The following RYR2 variants were observed in gnomAD, a reference collection of about 807,000 sequenced individuals.
The protein encoded by RYR2 is ryanodine receptor 2.
In RYR2, 227 loss-of-function variants were observed where a neutral mutation model predicts 601.1. The observed-to-expected ratio is 0.38, with a 90% confidence interval of 0.34 to 0.42. The LOEUF (loss-of-function observed/expected upper bound fraction) is 0.42. RYR2 is among the 10% of genes least tolerant of loss of function. The pLI is 1.00. For missense variants in RYR2, 4,646 were observed against 6,156.5 expected, an observed-to-expected ratio of 0.75 and a Z score of 8.21; for synonymous variants, 2,223 against 2,175.1, an observed-to-expected ratio of 1.02 and a Z score of -0.61.
intron 41 of RYR2, among the ~76,000 whole-genome samples, chr1:237,629,011 A>G (rs1679979158): frequency 1.3e-5 from 2 of 152,232 alleles, no homozygotes; most frequent in Admixed American, 1.3e-4. Flanking sequence ...AAGATATTTC[A>G]GAATATTTAC....
At chr1:237,438,823 G>A (rs545397532) in intron 12 of RYR2, among the ~76,000 whole-genome samples, 1 of 152,222 alleles carries the variant, frequency 6.6e-6, no homozygotes, top group Non-Finnish European at 1.5e-5. Context: ...TCTTTTGAGA[G>A]ATCTACTTTT....
intron 1 of RYR2, among the ~76,000 whole-genome samples, chr1:237,188,904 A>C (rs1367444458): frequency 1.3e-5 from 2 of 152,216 alleles, no homozygotes; most frequent in African/African-American, 4.8e-5. Context: ...AACATAAAAC[A>C]TTAAATTTCC....
At chr1:237,829,335 C>G (rs1384866742) in intron 102 of RYR2, among the ~76,000 whole-genome samples, 1 of 152,180 alleles carries the variant, frequency 6.6e-6, no homozygotes, top group African/African-American at 2.4e-5. Flanking sequence ...GATTCTGAAG[C>G]TTTTGCTAGA....
At position 237,440,607 on chromosome 1, in the gene RYR2, C is replaced by A. The variant is rs1056799159; in HGVS notation, c.1006-712C>A. Among the ~76,000 whole-genome samples, 29 of 152,134 alleles carry A rather than the reference C, an allele frequency of 1.9e-4. 1 individual carries two copies. Among genetic ancestry groups the A allele is most frequent in the Admixed American group, 1.3e-3 (20 of 15,268 alleles). Reference sequence around the variant, plus strand: ...GATTGCTACTTCCTAGGAGAGGAAGCTTGGCATAGTAGTCCTTTAAGAGTG... The same window carrying A: ...GATTGCTACTTCCTAGGAGAGGAAGATTGGCATAGTAGTCCTTTAAGAGTG... On this transcript the variant is annotated intron_variant, in intron 12 of 104. Transcript: ENST00000366574.
intron 25 of RYR2, among the ~76,000 whole-genome samples, chr1:237,531,632 A>C (rs1668147262): frequency 6.6e-6 from 1 of 152,208 alleles, no homozygotes; most frequent in Admixed American, 6.5e-5. Flanking sequence ...ATGCAGATTT[A>C]AGCAAGTCTC....
chr1:237,423,084 T>C lies in RYR2; in HGVS notation c.849-8T>C, dbSNP rs16835237. On this transcript the variant is annotated splice_region_variant and splice_polypyrimidine_tract_variant and intron_variant, in intron 11 of 104. Transcript: ENST00000366574. Reference sequence around the variant, plus strand: ...GCTATTGGATCAAGTCCTAACTGTTTTCATTAGGTGGAGTGGAAGCCACAT... The same window carrying C: ...GCTATTGGATCAAGTCCTAACTGTTCTCATTAGGTGGAGTGGAAGCCACAT... The C allele has an allele frequency of 0.11, 172,613 of 1,609,586 alleles. 11,647 individuals carry two copies. Among genetic ancestry groups the C allele is most frequent in the Admixed American group, 0.27 (15,998 of 58,776 alleles).
At position 237,723,257 on chromosome 1, in the gene RYR2, G is replaced by C. The variant is rs1689902083; in HGVS notation, c.10684G>C (p.Glu3562Gln). The change falls in exon 74 of 105, where the codon GAA (glutamate) becomes CAA (glutamine). Residue 3562 changes from glutamate to glutamine, a missense_variant. Glu to Gln is a conservative substitution (Grantham distance 29). Coordinates refer to ENST00000366574, the MANE Select transcript of RYR2 (RefSeq NM_001035.3). ...LDIANVLFHL[E>Q]QKSKRVGRRH... The stretch of plus-strand genomic sequence containing the variant: ...TATAGCAAATGTGCTTTTTCATCTT[G>C]AACAGGTCAGGCTTTGTGTCAATTC... 1 of 1,611,014 alleles carries C rather than the reference G, an allele frequency of 6.2e-7. No homozygotes were observed. Among genetic ancestry groups the C allele is most frequent in the Non-Finnish European group, 8.5e-7 (1 of 1,178,114 alleles).
At chr1:237,825,274 G>C (rs546417234) in intron 101 of RYR2, among the ~76,000 whole-genome samples, 2 of 152,160 alleles carry the variant, frequency 1.3e-5, no homozygotes, top group Non-Finnish European at 1.5e-5. Context: ...ATACTACAAG[G>C]CTACAGTAAC....
intron 96 of RYR2, among the ~76,000 whole-genome samples, chr1:237,797,835 A>C (rs181852535): frequency 6.6e-6 from 1 of 152,298 alleles, no homozygotes; most frequent in African/African-American, 2.4e-5. Context: ...CTTGTTCCTC[A>C]GATAGGTATT....
intron 102 of RYR2, among the ~76,000 whole-genome samples, chr1:237,828,904 G>A (rs1025268271): frequency 6.6e-6 from 1 of 152,148 alleles, no homozygotes; most frequent in African/African-American, 2.4e-5. Flanking sequence ...GATAAGGAGA[G>A]AGGAGGACAG....
Position 237,708,457 on chromosome 1 carries a change from G to C in RYR2, c.9902-401G>C, listed in dbSNP as rs74601991. 2.6e-5 allele frequency among the ~76,000 whole-genome samples: 4 copies of C among 152,218 alleles called. No homozygotes were observed. In the East Asian group the frequency reaches 7.7e-4, roughly 29 times the overall value. On this transcript the variant is annotated intron_variant, in intron 68 of 104. Coordinates refer to ENST00000366574, the MANE Select transcript of RYR2 (RefSeq NM_001035.3). The stretch of plus-strand genomic sequence containing the variant: ...AACTCTTCCATTGTGCCAAGGATGG[G>C]GATAGTTAAAATGAGATAACTGTAT...
At chr1:237,631,849 C>G (rs948862503) in intron 42 of RYR2, among the ~76,000 whole-genome samples, 28 of 128,420 alleles carry the variant, frequency 2.2e-4, no homozygotes, top group Non-Finnish European at 4.0e-4. Context: ...AGGATGGTCT[C>G]GATCTCCTGA....
At chr1:237,640,005 G>C (rs1681302706) in intron 46 of RYR2, among the ~76,000 whole-genome samples, 1 of 127,014 alleles carries the variant, frequency 7.9e-6, no homozygotes. Context: ...GAGCAAGAAT[G>C]AGCACTCCCC....
At chr1:237,774,567 C>A (rs1694511507) in intron 87 of RYR2, among the ~76,000 whole-genome samples, 1 of 152,030 alleles carries the variant, frequency 6.6e-6, no homozygotes, top group Admixed American at 6.6e-5. Flanking sequence ...GAAGAGGAAC[C>A]TTATTTCAGC....
At chr1:237,732,338 A>G (rs1690765872) in intron 78 of RYR2, among the ~76,000 whole-genome samples, 189 bp downstream of exon 78, 1 of 152,204 alleles carries the variant, frequency 6.6e-6, no homozygotes, top group South Asian at 2.1e-4. Flanking sequence ...GGCTTCAGCA[A>G]CTACCTACTA....
At chr1:237,737,929 T>C (rs1278663551) in intron 79 of RYR2, among the ~76,000 whole-genome samples, 1 of 152,230 alleles carries the variant, frequency 6.6e-6, no homozygotes, top group Non-Finnish European at 1.5e-5. Context: ...TCCTCAGTGA[T>C]TTGCTTGATA....
intron 1 of RYR2, among the ~76,000 whole-genome samples, chr1:237,056,680 A>C (rs991539556): frequency 1.0e-5 from 1 of 98,716 alleles, no homozygotes; most frequent in Admixed American, 1.3e-4. Flanking sequence ...CATTGTGAGG[A>C]CTGGAGCACT....
At chr1:237,252,417 AT>A (rs1259533035) in intron 1 of RYR2, among the ~76,000 whole-genome samples, 1 of 152,106 alleles carries the variant, frequency 6.6e-6, no homozygotes, top group Non-Finnish European at 1.5e-5. Context: ...ATTTACGACC[AT>A]CCTGTAATAT....
chr1:237,719,809 T>C (rs1689566170), intron 73 of RYR2, among the ~76,000 whole-genome samples: 2 of 149,382 alleles, frequency 1.3e-5, no homozygotes, highest in Middle Eastern at 3.6e-3. Flanking sequence ...CTAAACCACT[T>C]ATGAAAGTTT....
Sources: gnomAD v4.1 joint callset for allele counts (sites outside exome capture counted in the v4.1 genomes callset) on GRCh38, gnomAD v4.1.1 for gene constraint, MANE v1.5 for transcripts, NCBI Gene and HGNC (gene_info 2026-07-23, HGNC 2026-07-21) for gene names.